Variants in STK32A observed in about 807,000 individuals in gnomAD.
STK32A encodes the protein serine/threonine-protein kinase 32A.
In STK32A, 41 loss-of-function variants were observed where a neutral mutation model predicts 53.2. The ratio of observed to expected loss-of-function variants is 0.77; its 90% confidence interval spans 0.60 to 1.00. The LOEUF (loss-of-function observed/expected upper bound fraction) is 1.00. STK32A is among the 50% of genes least tolerant of loss of function. The pLI is 0.00. For missense variants in STK32A, 458 were observed against 485.8 expected (o/e 0.94, Z 0.54); for synonymous variants, 166 against 162.8 (o/e 1.02, Z -0.15).
At chr5:147,266,884 A>G (rs1008952863) in intron 2 of STK32A, among the ~76,000 whole-genome samples, 23 of 152,054 alleles carry the variant, frequency 1.5e-4, no homozygotes, top group African/African-American at 5.6e-4. Flanking sequence ...TTAGCCAGGC[A>G]TGGTGGTGCG....
chr5:147,287,173 A>G (rs1752384617), intron 4 of STK32A, among the ~76,000 whole-genome samples: 1 of 152,214 alleles, frequency 6.6e-6, no homozygotes, highest in African/African-American at 2.4e-5. Flanking sequence ...AGCTATTTCC[A>G]TAATCCAAGG....
At position 147,385,290 on chromosome 5, in the gene STK32A, A is replaced by G. The variant is rs949243845; in HGVS notation, c.*1307A>G. On this transcript the variant is annotated 3_prime_UTR_variant, in exon 13 of 13. Coordinates refer to ENST00000397936, the MANE Select transcript of STK32A (RefSeq NM_001112724.2). ...GTAGCTGGGATCGCATGTGTGTGCC[A>G]CCATGTGTAGCTAATTTTTTGTATT... 1.3e-5 allele frequency: 2 copies of G among 152,152 alleles called. No homozygotes were observed. Among genetic ancestry groups the G allele is most frequent in the Non-Finnish European group, 2.9e-5 (2 of 68,036 alleles). 9.4% of individuals were successfully genotyped at this position (152,152 alleles called of 1,614,324 possible). A position where few individuals can be genotyped will look rare whatever the true frequency, so the allele number is the denominator to read the frequency against.
rs1450099202 is a variant in STK32A, at chr5:147,278,169, G to C, written c.98G>C (p.Ser33Thr). 6.3e-7 allele frequency: 1 copy of C among 1,599,802 alleles called. No individual in the cohort carries two copies. The highest frequency in any genetic ancestry group is 1.3e-5 in the African/African-American group (1 of 74,902). The change falls in exon 3 of 13, where the codon AGT becomes ACT. Residue 33 changes from serine to threonine, a missense_variant. Transcript: ENST00000397936. ...FEILRAIGKG[S>T]FGKVCIVQKN... ...ATTTTGCGAGCCATTGGGAAAGGCA[G>C]TTTTGGGAAGGTGAGAACAAATTGA...
intron 11 of STK32A, 156 bp from the exon 12 acceptor site, chr5:147,383,285 G>A (rs911256101): frequency 2.5e-5 from 17 of 667,902 alleles, no homozygotes; most frequent in African/African-American, 3.8e-5. Context: ...CCAGCTTCCC[G>A]GAATCTTCTT....
At chr5:147,318,222 A>C (rs1260261427) in intron 4 of STK32A, among the ~76,000 whole-genome samples, 2 of 152,196 alleles carry the variant, frequency 1.3e-5, no homozygotes, top group Non-Finnish European at 2.9e-5. Context: ...TATTGTGGAA[A>C]ACGTTCCATA....
chr5:147,266,067 C>T (rs1217032400), intron 2 of STK32A, among the ~76,000 whole-genome samples: 2 of 152,186 alleles, frequency 1.3e-5, no homozygotes, highest in Non-Finnish European at 2.9e-5. Flanking sequence ...AATTTAATGT[C>T]AGCACCTTTC....
chr5:147,242,584 G>C (rs570056874), intron 2 of STK32A, among the ~76,000 whole-genome samples: 1 of 152,114 alleles, frequency 6.6e-6, no homozygotes, highest in Non-Finnish European at 1.5e-5. Context: ...TGAAAGATGA[G>C]AAGAAGCCAT....
chr5:147,273,293 T>C lies in STK32A; in HGVS notation c.53-4831T>C, dbSNP rs866577424. 4.6e-5 allele frequency among the ~76,000 whole-genome samples: 7 copies of C among 152,294 alleles called. No homozygotes were observed. In the South Asian group the frequency reaches 1.0e-3, roughly 23 times the overall value. On this transcript the variant is annotated intron_variant, in intron 2 of 12. Transcript: ENST00000397936. ...GAAACCTTGATTCAACATATAATTC[T>C]AAAAAGAGACAGGAAGAAATCCCAC...
intron 4 of STK32A, among the ~76,000 whole-genome samples, chr5:147,296,615 C>T (rs1395671555): frequency 3.3e-5 from 5 of 152,104 alleles, no homozygotes; most frequent in African/African-American, 4.8e-5. Context: ...CTTGAGCCTA[C>T]TCGCCCACCT....
chr5:147,329,647 G>GCA (rs10660806), intron 5 of STK32A, among the ~76,000 whole-genome samples: 2 of 151,628 alleles, frequency 1.3e-5, no homozygotes, highest in Admixed American at 6.6e-5. Flanking sequence ...GTGCACGCAC[G>GCA]CACACACACA....
chr5:147,358,796 TA>T (rs1201355723), intron 7 of STK32A, among the ~76,000 whole-genome samples: 2 of 152,144 alleles, frequency 1.3e-5, no homozygotes, highest in Non-Finnish European at 2.9e-5. Flanking sequence ...AATAAATAGG[TA>T]GCTAGCCAAT....
chr5:147,393,898 A>G, the STK32A span: 1 of 851,342 alleles, frequency 1.2e-6, no homozygotes, highest in South Asian at 1.7e-5. Context: ...AACATTGGAG[A>G]AACATAAGGC....
chr5:147,269,610 G>A (rs903214706), intron 2 of STK32A, among the ~76,000 whole-genome samples: 14 of 152,160 alleles, frequency 9.2e-5, no homozygotes, highest in African/African-American at 3.4e-4. Flanking sequence ...AAAAAGGCAT[G>A]CAAGACTTTT....
chr5:147,271,499 GAT>G (rs1755031022), intron 2 of STK32A, among the ~76,000 whole-genome samples: 2 of 152,182 alleles, frequency 1.3e-5, no homozygotes, highest in African/African-American at 4.8e-5. Context: ...GAATAAGAGA[GAT>G]AACCTTAAAC....
chr5:147,339,451 A>G (rs1332716127), intron 5 of STK32A, among the ~76,000 whole-genome samples: 1 of 152,222 alleles, frequency 6.6e-6, no homozygotes, highest in Non-Finnish European at 1.5e-5. Context: ...GGCAGCGTGG[A>G]AGGGAAATAT....
intron 2 of STK32A, among the ~76,000 whole-genome samples, chr5:147,263,837 A>G (rs989619115): frequency 1.3e-5 from 2 of 152,220 alleles, no homozygotes; most frequent in Non-Finnish European, 2.9e-5. Context: ...ATTGAAGAAC[A>G]TAAGTTTTCA....
intron 7 of STK32A, among the ~76,000 whole-genome samples, chr5:147,359,333 A>G (rs1012064525): frequency 5.3e-5 from 8 of 152,332 alleles, no homozygotes; most frequent in Non-Finnish European, 7.3e-5. Context: ...CTTGCATACC[A>G]TGAATATTTT....
At position 147,351,061 on chromosome 5, in the gene STK32A, G is replaced by T. The variant is rs1478752747; in HGVS notation, c.473-4G>T. 6.2e-7 allele frequency: 1 copy of T among 1,613,354 alleles called. No individual in the cohort carries two copies. The highest frequency in any genetic ancestry group is 8.5e-7 in the Non-Finnish European group (1 of 1,179,524). On this transcript the variant is annotated splice_polypyrimidine_tract_variant and splice_region_variant and intron_variant, in intron 6 of 12. Coordinates refer to ENST00000397936, the MANE Select transcript of STK32A (RefSeq NM_001112724.2). Reference sequence around the variant, plus strand: ...CTTTCTGTGTGGTTCTTCTCTCTCTGCAGGGCACGTGCACATCACAGATTT... The same window carrying T: ...CTTTCTGTGTGGTTCTTCTCTCTCTTCAGGGCACGTGCACATCACAGATTT...
chr5:147,375,034 G>T, intron 10 of STK32A, 56 bp from the exon 11 acceptor site: 1 of 1,519,314 alleles, frequency 6.6e-7, no homozygotes, highest in Non-Finnish European at 8.8e-7. Flanking sequence ...TAGGTCTGCT[G>T]TGTTTTTCAG....
Sources: gnomAD v4.1 joint callset for allele counts (sites outside exome capture counted in the v4.1 genomes callset) on GRCh38, gnomAD v4.1.1 for gene constraint, MANE v1.5 for transcripts, NCBI Gene and HGNC (gene_info 2026-07-23, HGNC 2026-07-21) for gene names.